ARL6IP6: variants seen among roughly 807,000 people sequenced by gnomAD.
The protein encoded by ARL6IP6 is ARF like GTPase 6 interacting protein 6, also known as ADP-ribosylation factor-like protein 6-interacting protein 6.
ARL6IP6 carries 22 observed loss-of-function variants against 21.5 expected under a neutral mutation model. That is an observed-to-expected ratio of 1.02 (90% CI 0.73 to 1.46). The LOEUF is 1.46. Among genes scored for constraint, ARL6IP6 ranks in the 40% most tolerant of loss-of-function variants. The probability of loss-of-function intolerance (pLI) is 0.00; values close to 1 mark genes in which losing one functional copy is unlikely to be tolerated. For synonymous variants in ARL6IP6, 164 were observed against 125.3 expected, an observed-to-expected ratio of 1.31 and a Z score of -2.06; for missense variants, 388 against 299.8, an observed-to-expected ratio of 1.29 and a Z score of -2.17.
In ARL6IP6 at chr2:152,760,308, T is replaced by C. The variant is rs1428471082; in HGVS notation, c.*468T>C. On this transcript the variant is annotated 3_prime_UTR_variant, in exon 4 of 4. Transcript: ENST00000326446. ...ATAATGCCTACTACTCCGACTTTTATAGAAGCTACTTTTAAATCAGAATAT... is the reference window on the plus strand; with the variant it reads ...ATAATGCCTACTACTCCGACTTTTACAGAAGCTACTTTTAAATCAGAATAT... The C allele has an allele frequency of 6.6e-6, 1 of 152,632 alleles. No homozygotes were observed. Among genetic ancestry groups the C allele is most frequent in the Non-Finnish European group, 1.5e-5 (1 of 68,050 alleles). 9.5% of individuals were successfully genotyped at this position (152,632 alleles called of 1,614,324 possible).
chr2:152,761,151 C>A lies in ARL6IP6; in HGVS notation c.*1311C>A, dbSNP rs559720129. On this transcript the variant is annotated 3_prime_UTR_variant, in exon 4 of 4. Coordinates refer to ENST00000326446, the MANE Select transcript of ARL6IP6 (RefSeq NM_152522.7). ...CTTAATTATCTACTGAATGTTGTTA[C>A]CGACTAAACAAGGTTTCTAAAAGTC... 2 of 152,286 alleles carry A rather than the reference C, an allele frequency of 1.3e-5. No homozygotes were observed. The highest frequency in any genetic ancestry group is 3.9e-4 in the East Asian group (2 of 5,192). 9.4% of individuals were successfully genotyped at this position (152,286 alleles called of 1,614,324 possible).
intron 3 of ARL6IP6, among the ~76,000 whole-genome samples, chr2:152,739,978 C>G (rs571028254): frequency 1.7e-3 from 261 of 152,296 alleles, no homozygotes; most frequent in African/African-American, 6.0e-3. Context: ...GTAACCACCC[C>G]CATGATTCAA....
At chr2:152,746,970 C>A (rs978236095) in intron 3 of ARL6IP6, among the ~76,000 whole-genome samples, 2 of 151,512 alleles carry the variant, frequency 1.3e-5, no homozygotes, top group Non-Finnish European at 2.9e-5. Flanking sequence ...GGACTACAGG[C>A]GAGTGCTGCT....
rs67760283 is a variant in ARL6IP6, at chr2:152,746,001, C to CTTTTTTTTTTTTTT, written c.587+10895_587+10908dup. ...CAGCTAATGAGTGCTTGCTTTGTACCTTTTTTTTTTTTTTTTTTTTTTTTT... is the reference window on the plus strand; with the variant it reads ...CAGCTAATGAGTGCTTGCTTTGTACCTTTTTTTTTTTTTTTTTTTTTTTTTTTTTTTTTTTTTTT... On this transcript the variant is annotated intron_variant, in intron 3 of 3. Coordinates refer to ENST00000326446, the MANE Select transcript of ARL6IP6 (RefSeq NM_152522.7). 1.0e-3 allele frequency among the ~76,000 whole-genome samples: 68 copies of CTTTTTTTTTTTTTT among 66,380 alleles called. 5 individuals carry two copies. Among genetic ancestry groups the CTTTTTTTTTTTTTT allele is most frequent in the Non-Finnish European group, 1.4e-3 (58 of 41,764 alleles). The allele number at this position is 66,380 out of a possible 152,430, so 43.5% of individuals were successfully genotyped here.
At chr2:152,723,127 A>G (rs1699870893) in intron 2 of ARL6IP6, among the ~76,000 whole-genome samples, 1 of 152,184 alleles carries the variant, frequency 6.6e-6, no homozygotes, top group Admixed American at 6.5e-5. Context: ...CGCTGAGTTG[A>G]TTAACTTAGA....
At chr2:152,718,449 C>G, upstream of ARL6IP6, 2 of 854,484 alleles carry the variant, frequency 2.3e-6, no homozygotes, top group Non-Finnish European at 3.3e-6. Flanking sequence ...CATTCCGCCT[C>G]TCCTTTGGCC....
At chr2:152,755,053 CCTCT>C (rs1312880983) in intron 3 of ARL6IP6, among the ~76,000 whole-genome samples, 3 of 151,980 alleles carry the variant, frequency 2.0e-5, no homozygotes, top group African/African-American at 7.3e-5. Flanking sequence ...TTATAATAAT[CCTCT>C]CTCTACAATC....
intron 2 of ARL6IP6, among the ~76,000 whole-genome samples, chr2:152,734,474 T>G (rs1414757006): frequency 2.0e-5 from 3 of 152,194 alleles, no homozygotes; most frequent in Non-Finnish European, 4.4e-5. Context: ...TTTATGAAAT[T>G]AAATGAAAAA....
rs1233013048 is a variant in ARL6IP6, at chr2:152,760,507, G to A, written c.*667G>A. 6.6e-6 allele frequency: 1 copy of A among 151,006 alleles called. No individual in the cohort carries two copies. Among genetic ancestry groups the A allele is most frequent in the Non-Finnish European group, 1.5e-5 (1 of 67,802 alleles). 9.4% of individuals were successfully genotyped at this position (151,006 alleles called of 1,614,324 possible). On this transcript the variant is annotated 3_prime_UTR_variant, in exon 4 of 4. Transcript: ENST00000326446. The stretch of plus-strand genomic sequence containing the variant: ...TATTTTTTTAGCTAGTGCAAACCTA[G>A]TACCTGCCATTTTTACTAATTTTTG...
rs938336073 is a variant in ARL6IP6, at chr2:152,719,035, C to T, written c.400+11C>T. On this transcript the variant is annotated intron_variant, in intron 1 of 3. Transcript: ENST00000326446. ...ACTTGATCGTTAAAGGTATTGAAGC[C>T]GACGCCTTGAAAGTCTGTCCAGAGT... 7 of 1,525,916 alleles carry T rather than the reference C, an allele frequency of 4.6e-6. No individual in the cohort carries two copies. The highest frequency in any genetic ancestry group is 5.3e-6 in the Non-Finnish European group (6 of 1,136,572). 94.5% of individuals were successfully genotyped at this position (1,525,916 alleles called of 1,614,324 possible).
chr2:152,761,308 A>G lies in ARL6IP6; in HGVS notation c.*1468A>G, dbSNP rs1457322969. The G allele has an allele frequency of 6.6e-6, 1 of 152,064 alleles. No individual in the cohort carries two copies. The highest frequency in any genetic ancestry group is 1.5e-5 in the Non-Finnish European group (1 of 68,028). The allele number at this position is 152,064 out of a possible 1,614,324, so 9.4% of individuals were successfully genotyped here. A position where few individuals can be genotyped will look rare whatever the true frequency, so the allele number is the denominator to read the frequency against. Reference sequence around the variant, plus strand: ...CCCATGGCTTAAGTATTCCTACCAGAGTGGTGGTTGCCATCAGTCTATTTT... The same window carrying G: ...CCCATGGCTTAAGTATTCCTACCAGGGTGGTGGTTGCCATCAGTCTATTTT... On this transcript the variant is annotated 3_prime_UTR_variant, in exon 4 of 4. Transcript: ENST00000326446.
At chr2:152,732,697 G>A in intron 2 of ARL6IP6, 1 of 284,146 alleles carries the variant, frequency 3.5e-6, no homozygotes, top group Non-Finnish European at 6.9e-6. Flanking sequence ...ATGAGGAATT[G>A]GTTCCAGGAC....
intron 2 of ARL6IP6, among the ~76,000 whole-genome samples, chr2:152,731,993 G>C (rs1700338096): frequency 6.6e-6 from 1 of 151,946 alleles, no homozygotes; most frequent in Non-Finnish European, 1.5e-5. Context: ...TAGCTGCATA[G>C]TATTCTATTG....
intron 3 of ARL6IP6, among the ~76,000 whole-genome samples, chr2:152,755,523 T>C (rs1350076699): frequency 6.6e-6 from 1 of 152,198 alleles, no homozygotes; most frequent in Non-Finnish European, 1.5e-5. Context: ...GTGAAAGTAC[T>C]AAAAGTCTCT....
chr2:152,731,886 G>T (rs950498403), intron 2 of ARL6IP6, among the ~76,000 whole-genome samples: 4 of 151,830 alleles, frequency 2.6e-5, no homozygotes, highest in Non-Finnish European at 5.9e-5. Context: ...TTATACAAAT[G>T]CATAGAGCTG....
intron 3 of ARL6IP6, among the ~76,000 whole-genome samples, chr2:152,741,696 A>G (rs759295277): frequency 1.3e-4 from 20 of 152,182 alleles, no homozygotes; most frequent in African/African-American, 2.2e-4. Context: ...CGTAAGCACA[A>G]GATGTTTAGG....
Position 152,718,984 on chromosome 2 carries a change from T to A in ARL6IP6, c.360T>A (p.Leu120=). The A allele has an allele frequency of 6.3e-7, 1 of 1,585,878 alleles. No homozygotes were observed. The highest frequency in any genetic ancestry group is 8.6e-7 in the Non-Finnish European group (1 of 1,163,630). ...TCTGCTCGCTGCTCTTCGCCATTCT[T>A]CTCGCCTTCCTCCTCGCCATCGCCT... is the stretch of plus-strand genomic sequence containing the variant. The part of the protein sequence containing the change: ...SILCSLLFAI[L]LAFLLAIAYL... Residue 120 remains leucine (L), a synonymous_variant, in exon 1 of 4, where the codon CTT becomes CTA. Transcript: ENST00000326446.
At chr2:152,731,336 G>A (rs1314070089) in intron 2 of ARL6IP6, among the ~76,000 whole-genome samples, 2 of 152,118 alleles carry the variant, frequency 1.3e-5, no homozygotes, top group Non-Finnish European at 2.9e-5. Context: ...AGTTTTTTCA[G>A]TCTGTTACTG....
intron 3 of ARL6IP6, among the ~76,000 whole-genome samples, chr2:152,748,566 T>G (rs78512940): frequency 0.025 from 3,740 of 152,308 alleles, 80 homozygotes; most frequent in Non-Finnish European, 0.041. Flanking sequence ...GGGAATAGAT[T>G]AGTACCATCT....
Sources: allele counts gnomAD v4.1 joint callset (sites outside exome capture counted in the v4.1 genomes callset), GRCh38; gene constraint gnomAD v4.1.1; transcripts MANE v1.5; gene names NCBI Gene and HGNC (gene_info 2026-07-23, HGNC 2026-07-21).